TBC1D22A: variants seen among roughly 807,000 people sequenced by gnomAD.
TBC1D22A encodes TBC1 domain family member 22A, also known as putative GTPase activator.
In TBC1D22A, 38 loss-of-function variants were observed where a neutral mutation model predicts 60.2. The ratio of observed to expected loss-of-function variants is 0.63; its 90% confidence interval spans 0.49 to 0.83. The LOEUF (loss-of-function observed/expected upper bound fraction) is 0.83. Ranked by LOEUF, TBC1D22A falls within the 40% of genes least tolerant of loss-of-function variation. The pLI is 0.00. For missense variants in TBC1D22A, 628 were observed against 701.0 expected, an observed-to-expected ratio of 0.90 and a Z score of 1.18; for synonymous variants, 302 against 281.7, an observed-to-expected ratio of 1.07 and a Z score of -0.72.
intron 4 of TBC1D22A, among the ~76,000 whole-genome samples, chr22:46,874,771 A>C (rs1160561343): frequency 1.3e-5 from 2 of 151,504 alleles, no homozygotes; most frequent in Non-Finnish European, 2.9e-5. Context: ...ATGGGATTTC[A>C]CCATGTTGCC....
rs1252880537 is a variant in TBC1D22A at position 47,009,151 on chromosome 22, A to T, written c.1201+11442A>T. 6.6e-6 allele frequency among the ~76,000 whole-genome samples: 1 copy of T among 152,164 alleles called. No homozygotes were observed. The highest frequency in any genetic ancestry group is 2.4e-5 in the African/African-American group (1 of 41,426). On this transcript the variant is annotated intron_variant, in intron 10 of 12. Coordinates refer to ENST00000337137, the MANE Select transcript of TBC1D22A (RefSeq NM_014346.5). The surrounding 1 kb of genome is among the most constrained non-coding windows in gnomAD (Gnocchi z 5.8). ...TCCCCACTCTAGCCCTTGTTTCCCC[A>T]TGCATGACGGGTCATGGGAGTAAAG... is the stretch of plus-strand genomic sequence containing the variant.
At chr22:46,860,456 C>G (rs57982517) in intron 4 of TBC1D22A, among the ~76,000 whole-genome samples, 1 of 40,848 alleles carries the variant, frequency 2.4e-5, no homozygotes, top group Non-Finnish European at 4.3e-5. Flanking sequence ...AATCCTTTTC[C>G]ATAGAGGTCC....
At chr22:46,817,780 G>A (rs1280666617) in intron 4 of TBC1D22A, among the ~76,000 whole-genome samples, 1 of 152,164 alleles carries the variant, frequency 6.6e-6, no homozygotes, top group African/African-American at 2.4e-5. Context: ...CCCAGTAATG[G>A]GATTGCTGGG....
intron 4 of TBC1D22A, among the ~76,000 whole-genome samples, chr22:46,870,269 C>T (rs959037047): frequency 5.3e-5 from 8 of 152,244 alleles, no homozygotes; most frequent in African/African-American, 1.7e-4. Context: ...TTCCTCTACC[C>T]TCTGCTCTCT....
rs372131471 is a variant in TBC1D22A at position 47,111,470 on chromosome 22, C to T, written c.1330-38C>T. The T allele has an allele frequency of 5.0e-5, 79 of 1,580,220 alleles. No individual in the cohort carries two copies. In the East Asian group the frequency reaches 1.1e-3, roughly 23 times the overall value. On this transcript the variant is annotated intron_variant, in intron 11 of 12. Coordinates refer to ENST00000337137, the MANE Select transcript of TBC1D22A (RefSeq NM_014346.5). ...CTCGCAGTGATGTTAATGGGTCACG[C>T]GTTACAATTTCTCTCTTGGTTATTT...
rs548313784 is a variant in TBC1D22A at position 47,092,852 on chromosome 22, TC to T, written c.1330-18654del. On this transcript the variant is annotated intron_variant, in intron 11 of 12. Transcript: ENST00000337137. ...CTTCCCTTTGAATTTGCCAAGAACA[TC>T]CTTGACAAAAATTAAGAAAACAGCG... 1.9e-3 allele frequency among the ~76,000 whole-genome samples: 294 copies of T among 152,310 alleles called. 2 individuals carry two copies. Among genetic ancestry groups the T allele is most frequent in the Non-Finnish European group, 9.6e-4 (65 of 68,020 alleles).
chr22:47,130,800 C>T (rs1459396577), intron 12 of TBC1D22A, among the ~76,000 whole-genome samples: 1 of 152,190 alleles, frequency 6.6e-6, no homozygotes, highest in African/African-American at 2.4e-5. Context: ...TCCGGAGTAC[C>T]TACTAGAAGG....
chr22:47,082,114 C>T (rs1450572930), intron 11 of TBC1D22A, among the ~76,000 whole-genome samples: 8 of 152,024 alleles, frequency 5.3e-5, no homozygotes, highest in African/African-American at 1.9e-4. Context: ...GCCAAGATCA[C>T]GCCACTGCAC....
intron 10 of TBC1D22A, among the ~76,000 whole-genome samples, chr22:47,000,333 C>T (rs183192367): frequency 2.9e-4 from 44 of 152,100 alleles, no homozygotes; most frequent in African/African-American, 8.7e-4. Flanking sequence ...GAGGGCAGAT[C>T]GGAAGAGGGG....
intron 8 of TBC1D22A, among the ~76,000 whole-genome samples, chr22:46,947,559 C>T (rs1051818661): frequency 1.1e-4 from 16 of 152,186 alleles, no homozygotes; most frequent in African/African-American, 3.6e-4. Context: ...ATCTTCGTTG[C>T]GCTATTTCAA....
intron 4 of TBC1D22A, among the ~76,000 whole-genome samples, chr22:46,840,308 T>C (rs2086695164): frequency 6.6e-6 from 1 of 152,118 alleles, no homozygotes; most frequent in Non-Finnish European, 1.5e-5. Flanking sequence ...AGGACCTGAA[T>C]AGACATTTCT....
intron 4 of TBC1D22A, among the ~76,000 whole-genome samples, chr22:46,850,836 C>A (rs1002890628): frequency 2.0e-5 from 3 of 152,208 alleles, no homozygotes; most frequent in African/African-American, 7.2e-5. Flanking sequence ...AAAATAGTCT[C>A]TCCAGACAGT....
chr22:47,088,407 A>G (rs1242242892), intron 11 of TBC1D22A, among the ~76,000 whole-genome samples: 1 of 152,204 alleles, frequency 6.6e-6, no homozygotes, highest in Non-Finnish European at 1.5e-5. Flanking sequence ...CTAGCCAAAA[A>G]TAGGAAAACA....
Position 46,786,506 on chromosome 22 carries a change from G to A in TBC1D22A, c.63-6014G>A, listed in dbSNP as rs144071624. Among the ~76,000 whole-genome samples the A allele has an allele frequency of 5.9e-5, 9 of 152,150 alleles. No homozygotes were observed. In the East Asian group the frequency reaches 1.5e-3, roughly 26 times the overall value. ...TATCTTTGCTTGATTTTGGTATCAC[G>A]GTAGTACTTGCCTCATAGAATGAGT... is the stretch of plus-strand genomic sequence containing the variant. On this transcript the variant is annotated intron_variant, in intron 1 of 12. Transcript: ENST00000337137.
chr22:46,843,379 G>T (rs1032041897), intron 4 of TBC1D22A, among the ~76,000 whole-genome samples: 1 of 152,140 alleles, frequency 6.6e-6, no homozygotes, highest in African/African-American at 2.4e-5. Context: ...GTGGCTGCCC[G>T]GCCGGTGCTG....
intron 9 of TBC1D22A, among the ~76,000 whole-genome samples, chr22:46,986,018 A>G (rs1393447509): frequency 6.6e-6 from 1 of 152,158 alleles, no homozygotes; most frequent in Admixed American, 6.5e-5. Flanking sequence ...ACATATACCC[A>G]TGTTATGATT....
At chr22:46,935,949 T>A (rs1188114700) in intron 8 of TBC1D22A, among the ~76,000 whole-genome samples, 1 of 152,198 alleles carries the variant, frequency 6.6e-6, no homozygotes, top group African/African-American at 2.4e-5. Flanking sequence ...TTGTGCTGTC[T>A]CCTGGCCCCT....
At position 46,898,594 on chromosome 22, in the gene TBC1D22A, G is replaced by A. The variant is rs1394225800; in HGVS notation, c.900+3748G>A. On this transcript the variant is annotated intron_variant, in intron 7 of 12. Transcript: ENST00000337137. ...AGCAGAGGGAAAATGCAGGGAGTCT[G>A]CATGTTACATAAGATAACCTAGACA... is the stretch of plus-strand genomic sequence containing the variant. 3.9e-5 allele frequency among the ~76,000 whole-genome samples: 6 copies of A among 152,080 alleles called. No homozygotes were observed. The East Asian group carries it at 1.2e-3, about 29-fold the overall frequency.
At chr22:47,145,703 T>G (rs1443268838) in intron 12 of TBC1D22A, among the ~76,000 whole-genome samples, 1 of 152,228 alleles carries the variant, frequency 6.6e-6, no homozygotes, top group African/African-American at 2.4e-5. Context: ...TTGTTCTGAT[T>G]TTTTTCTAAG....
Sources: allele counts gnomAD v4.1 joint callset (sites outside exome capture counted in the v4.1 genomes callset), GRCh38; gene constraint gnomAD v4.1.1; non-coding constraint Gnocchi (gnomAD v3.1); transcripts MANE v1.5; gene names NCBI Gene and HGNC (gene_info 2026-07-23, HGNC 2026-07-21).